Variants in APBB2 observed in about 807,000 individuals in gnomAD.
APBB2 encodes the protein Fe65-like 1.
A neutral mutation model predicts 82.5 loss-of-function variants in APBB2; 38 were observed. That is an observed-to-expected ratio of 0.46 (90% CI 0.36 to 0.60). The LOEUF (loss-of-function observed/expected upper bound fraction) is 0.60. Ranked by LOEUF, APBB2 falls within the 20% of genes least tolerant of loss-of-function variation. The pLI is 0.00. For missense variants in APBB2, 772 were observed against 972.3 expected (o/e 0.79, Z 2.74); for synonymous variants, 341 against 368.2 (o/e 0.93, Z 0.85).
chr4:40,933,883 G>A (rs1784796439), intron 10 of APBB2, among the ~76,000 whole-genome samples: 1 of 152,198 alleles, frequency 6.6e-6, no homozygotes. Context: ...TCTCATTGTG[G>A]GGCCTGTGCA....
At chr4:40,953,690 C>T (rs1790839113) in intron 6 of APBB2, among the ~76,000 whole-genome samples, 1 of 152,160 alleles carries the variant, frequency 6.6e-6, no homozygotes, top group Admixed American at 6.5e-5. Flanking sequence ...TTCCTCTCTC[C>T]ACATGCTGCA....
intron 6 of APBB2, among the ~76,000 whole-genome samples, chr4:40,967,030 C>T (rs866973279): frequency 1.3e-4 from 20 of 152,136 alleles, no homozygotes; most frequent in Admixed American, 1.2e-3. Context: ...TGCACTTCCT[C>T]CCCTCTGAAG....
chr4:41,206,386 T>C (rs1222163032), intron 1 of APBB2, among the ~76,000 whole-genome samples: 1 of 152,210 alleles, frequency 6.6e-6, no homozygotes, highest in Non-Finnish European at 1.5e-5. Flanking sequence ...TTCCTCTCTG[T>C]CCTCCTGAAC....
At chr4:41,106,033 C>T (rs1300467680) in intron 2 of APBB2, among the ~76,000 whole-genome samples, 1 of 152,074 alleles carries the variant, frequency 6.6e-6, no homozygotes, top group Non-Finnish European at 1.5e-5. Flanking sequence ...ACATACCTTA[C>T]ACTGACTCTG....
chr4:41,162,315 T>C (rs1765387599), intron 1 of APBB2, among the ~76,000 whole-genome samples: 1 of 151,960 alleles, frequency 6.6e-6, no homozygotes, highest in South Asian at 2.1e-4. Context: ...TTTTAATCTC[T>C]AGGTCTCCTA....
At chr4:41,035,270 C>T (rs909571005) in intron 4 of APBB2, among the ~76,000 whole-genome samples, 11 of 152,196 alleles carry the variant, frequency 7.2e-5, no homozygotes, top group Non-Finnish European at 1.5e-5. Flanking sequence ...GGCATCACTT[C>T]CAAATTTATG....
chr4:40,876,182 A>T (rs1046076153), intron 12 of APBB2, among the ~76,000 whole-genome samples: 6 of 152,230 alleles, frequency 3.9e-5, no homozygotes, highest in African/African-American at 1.4e-4. Flanking sequence ...TGCATATTTT[A>T]AAACTTTTAT....
intron 5 of APBB2, among the ~76,000 whole-genome samples, chr4:41,017,472 G>T (rs1810327799): frequency 6.6e-6 from 1 of 152,130 alleles, no homozygotes; most frequent in South Asian, 2.1e-4. Context: ...ATGCTGTAAG[G>T]GTTAAAAGCA....
chr4:40,995,186 G>A (rs143934389), intron 6 of APBB2, among the ~76,000 whole-genome samples: 1 of 152,142 alleles, frequency 6.6e-6, no homozygotes, highest in East Asian at 1.9e-4. Flanking sequence ...ATGCAGTTGA[G>A]TAATTATTTC....
At chr4:41,034,722 A>C (rs1718469023) in intron 4 of APBB2, among the ~76,000 whole-genome samples, 1 of 152,228 alleles carries the variant, frequency 6.6e-6, no homozygotes, top group South Asian at 2.1e-4. Flanking sequence ...ACACATATAA[A>C]TACATGTGCA....
chr4:41,081,484 T>C (rs1188507162), intron 3 of APBB2, among the ~76,000 whole-genome samples: 1 of 152,242 alleles, frequency 6.6e-6, no homozygotes, highest in East Asian at 1.9e-4. Flanking sequence ...AATGCATGCG[T>C]ATAAAGGAGG....
intron 4 of APBB2, among the ~76,000 whole-genome samples, chr4:41,065,210 A>G (rs1731291356): frequency 6.6e-6 from 1 of 152,082 alleles, no homozygotes; most frequent in Admixed American, 6.6e-5. Context: ...CACTTGAACC[A>G]GAAGTTCGAA....
intron 3 of APBB2, among the ~76,000 whole-genome samples, chr4:41,087,071 T>C (rs894141152): frequency 6.6e-6 from 1 of 152,108 alleles, no homozygotes; most frequent in African/African-American, 2.4e-5. Flanking sequence ...GCCCAGGAGT[T>C]CAAAGCTATA....
chr4:40,898,855 TCACACACA>T (rs777366496), intron 10 of APBB2, among the ~76,000 whole-genome samples: 1 of 118,166 alleles, frequency 8.5e-6, no homozygotes, highest in Non-Finnish European at 1.9e-5. Flanking sequence ...ACACACACAC[TCACACACA>T]CACACACACA....
At chr4:41,070,760 A>C (rs1398932303) in intron 3 of APBB2, among the ~76,000 whole-genome samples, 1 of 152,218 alleles carries the variant, frequency 6.6e-6, no homozygotes, top group African/African-American at 2.4e-5. Context: ...TGAAAACATC[A>C]AATCTGATTG....
intron 1 of APBB2, among the ~76,000 whole-genome samples, chr4:41,183,910 C>A (rs934142189): frequency 6.6e-6 from 1 of 151,936 alleles, no homozygotes; most frequent in Non-Finnish European, 1.5e-5. Context: ...ATTATTATTT[C>A]ATTGTAATTT....
chr4:41,174,432 T>C (rs1769204133), intron 1 of APBB2, among the ~76,000 whole-genome samples: 1 of 152,188 alleles, frequency 6.6e-6, no homozygotes, highest in African/African-American at 2.4e-5. Flanking sequence ...AACCGGCGCA[T>C]CCTACATCAG....
intron 1 of APBB2, among the ~76,000 whole-genome samples, chr4:41,190,899 C>A (rs549088653): frequency 8.1e-4 from 124 of 152,300 alleles, no homozygotes; most frequent in African/African-American, 3.0e-3. Context: ...AATGGACCAA[C>A]GCTGGTCTGC....
intron 4 of APBB2, among the ~76,000 whole-genome samples, chr4:41,057,387 G>A (rs538280619): frequency 6.6e-6 from 1 of 152,304 alleles, no homozygotes; most frequent in Non-Finnish European, 1.5e-5. Flanking sequence ...GGAGGCAGAG[G>A]TTACAGTGAG....
Sources: allele counts gnomAD v4.1 joint callset (sites outside exome capture counted in the v4.1 genomes callset), GRCh38; gene constraint gnomAD v4.1.1; transcripts MANE v1.5; gene names NCBI Gene and HGNC (gene_info 2026-07-23, HGNC 2026-07-21).